NXPE4: variants seen among roughly 807,000 people sequenced by gnomAD.
NXPE4 encodes the protein NXPE family member 4.
In NXPE4, 42 loss-of-function variants were observed where a neutral mutation model predicts 33.3. That is an observed-to-expected ratio of 1.26 (90% confidence interval 0.98 to 1.63). The LOEUF (loss-of-function observed/expected upper bound fraction) is 1.63, where lower values mean the gene tolerates loss of function less well. Among genes scored for constraint, NXPE4 ranks in the 40% most tolerant of loss-of-function variants. NXPE4 has a pLI of 0.00. For synonymous variants in NXPE4, 253 were observed against 234.9 expected, an observed-to-expected ratio of 1.08 and a Z score of -0.71; for missense variants, 709 against 647.6, an observed-to-expected ratio of 1.09 and a Z score of -1.03.
chr11:114,618,616 T>G, the NXPE4 span, among the ~76,000 whole-genome samples: 1 of 150,378 alleles, frequency 6.6e-6, no homozygotes, highest in South Asian at 2.1e-4. Flanking sequence ...TAATAAGTAT[T>G]GCCTTGTGAG....
the NXPE4 span, among the ~76,000 whole-genome samples, chr11:114,611,970 C>T: frequency 4.6e-5 from 7 of 151,864 alleles, no homozygotes; most frequent in Admixed American, 2.0e-4. Context: ...AGTATTGCCT[C>T]GTGGGTAACC....
Position 114,582,501 on chromosome 11 carries a change from C to A in NXPE4, c.617G>T (p.Gly206Val), listed in dbSNP as rs1456435385. ...TTGGGAAGTGCCATTGACAAACTGG[C>A]CAGTGAAGATCACCCTGTCATAGCC... ...NQGYDRVIFT[G>V]QFVNGTSQVH... Residue 206 changes from glycine to valine, a missense_variant, in exon 3 of 6, where the codon GGC becomes GTC. Gly to Val is a moderately radical substitution (Grantham distance 109). Coordinates refer to ENST00000375478, the MANE Select transcript of NXPE4 (RefSeq NM_001077639.2). 1 of 1,614,006 alleles carries A rather than the reference C, an allele frequency of 6.2e-7. No homozygotes were observed. Among genetic ancestry groups the A allele is most frequent in the Non-Finnish European group, 8.5e-7 (1 of 1,179,998 alleles).
chr11:114,623,375 G>A, the NXPE4 span, among the ~76,000 whole-genome samples: 23 of 151,938 alleles, frequency 1.5e-4, no homozygotes, highest in East Asian at 3.9e-4. Flanking sequence ...ACTTTTAAAC[G>A]TGGGATAATA....
At chr11:114,634,461 A>C in the NXPE4 span, among the ~76,000 whole-genome samples, 192 of 152,058 alleles carry the variant, frequency 1.3e-3, 2 homozygotes, top group African/African-American at 4.4e-3. Flanking sequence ...GCAGCTCTTT[A>C]GTTTAGTTAG....
chr11:114,661,917 A>G, the NXPE4 span, among the ~76,000 whole-genome samples: 2 of 152,186 alleles, frequency 1.3e-5, no homozygotes, highest in South Asian at 2.1e-4. Context: ...AGGCAATTCA[A>G]TGAAGAAATT....
At chr11:114,645,021 G>C in the NXPE4 span, among the ~76,000 whole-genome samples, 1 of 151,542 alleles carries the variant, frequency 6.6e-6, no homozygotes, top group African/African-American at 2.4e-5. Context: ...AAAAAAACAG[G>C]CCGGGCATAG....
the NXPE4 span, among the ~76,000 whole-genome samples, chr11:114,676,439 A>G: frequency 1.0e-3 from 156 of 152,182 alleles, no homozygotes; most frequent in African/African-American, 3.7e-3. Context: ...CAATTAGAAA[A>G]TTGGAAAAGG....
Position 114,581,713 on chromosome 11 carries a change from A to C in NXPE4, c.892+12T>G. 6.2e-7 allele frequency: 1 copy of C among 1,605,940 alleles called. No individual in the cohort carries two copies. Among genetic ancestry groups the C allele is most frequent in the Non-Finnish European group, 8.5e-7 (1 of 1,173,412 alleles). On this transcript the variant is annotated intron_variant, in intron 4 of 5. Coordinates refer to ENST00000375478, the MANE Select transcript of NXPE4 (RefSeq NM_001077639.2). The stretch of plus-strand genomic sequence containing the variant: ...GAACTAGGCACCACCCACCAAACAC[A>C]GGAGTACTTACTGTTGCATTTGGAG...
At chr11:114,620,267 C>A in the NXPE4 span, among the ~76,000 whole-genome samples, 1 of 151,758 alleles carries the variant, frequency 6.6e-6, no homozygotes, top group Admixed American at 6.6e-5. Flanking sequence ...TGGGTAACTA[C>A]GGTTACCCGG....
At chr11:114,574,882 A>T (rs962756055) in intron 5 of NXPE4, among the ~76,000 whole-genome samples, 4 of 152,128 alleles carry the variant, frequency 2.6e-5, no homozygotes, top group African/African-American at 4.8e-5. Context: ...GGAAGGACAC[A>T]ACAAAAAAGA....
rs779707730 is a variant in NXPE4 at position 114,582,376 on chromosome 11, G to A, written c.742C>T (p.His248Tyr). ...QEGFYCVRPQ[H>Y]MPCAALTHMY... is the part of the protein sequence containing the mutation. ...TGAGTGAGTGCAGCACAGGGCATGTGTTGAGGCCTCACACAGTAGAAGCCT... is the reference window on the plus strand; with the variant it reads ...TGAGTGAGTGCAGCACAGGGCATGTATTGAGGCCTCACACAGTAGAAGCCT... Residue 248 changes from histidine (H) to tyrosine (Y), a missense_variant, in exon 3 of 6, where the codon CAC (histidine) becomes TAC (tyrosine). His to Tyr is a moderately conservative substitution (Grantham distance 83). Transcript: ENST00000375478. 18 of 1,614,132 alleles carry A rather than the reference G, an allele frequency of 1.1e-5. No homozygotes were observed. The South Asian group carries it at 1.3e-4, about 12-fold the overall frequency.
chr11:114,572,725 C>T (rs752912936), intron 5 of NXPE4, among the ~76,000 whole-genome samples: 28 of 151,522 alleles, frequency 1.8e-4, no homozygotes, highest in Non-Finnish European at 3.7e-4. Context: ...GCTAAATGCC[C>T]CAACCTAAGA....
chr11:114,582,463 A>T lies in NXPE4; in HGVS notation c.655T>A (p.Cys219Ser). The change falls in exon 3 of 6, where the codon TGT becomes AGT. Residue 219 changes from cysteine to serine, a missense_variant. Cys to Ser is a moderately radical substitution (Grantham distance 112). Coordinates refer to ENST00000375478, the MANE Select transcript of NXPE4 (RefSeq NM_001077639.2). ...GCATTTGTGTTTAGGATCAGGCCAC[A>T]TTCAGAGTGGACTTGGGAAGTGCCA... Reference protein sequence around the residue: ...VNGTSQVHSECGLILNTNAEL... With the variant: ...VNGTSQVHSESGLILNTNAEL... 6.2e-7 allele frequency: 1 copy of T among 1,614,200 alleles called. No individual in the cohort carries two copies. The highest frequency in any genetic ancestry group is 2.2e-5 in the East Asian group (1 of 44,878).
chr11:114,590,828 A>G (rs1483445706), intron 2 of NXPE4, among the ~76,000 whole-genome samples: 1 of 152,172 alleles, frequency 6.6e-6, no homozygotes, highest in African/African-American at 2.4e-5. Context: ...TTAACTGTTT[A>G]TGCCCCACAC....
the NXPE4 span, among the ~76,000 whole-genome samples, chr11:114,673,280 T>C: frequency 6.6e-6 from 1 of 151,318 alleles, no homozygotes; most frequent in Non-Finnish European, 1.5e-5. Context: ...TTCAGATGAA[T>C]GAAAATGAAG....
At chr11:114,638,760 C>T in the NXPE4 span, among the ~76,000 whole-genome samples, 1 of 151,994 alleles carries the variant, frequency 6.6e-6, no homozygotes, top group African/African-American at 2.4e-5. Flanking sequence ...GTAACAGCAG[C>T]AGTGTCTGCA....
At chr11:114,625,722 G>A in the NXPE4 span, among the ~76,000 whole-genome samples, 5 of 152,278 alleles carry the variant, frequency 3.3e-5, no homozygotes, top group South Asian at 2.1e-4. Flanking sequence ...CAGCATGAGC[G>A]ACGCAGAAGG....
chr11:114,628,414 A>G, the NXPE4 span, among the ~76,000 whole-genome samples: 1 of 152,340 alleles, frequency 6.6e-6, no homozygotes. Context: ...CTGCTTCTGA[A>G]TGACTACTGG....
rs185998472 is a variant in NXPE4, at chr11:114,571,360, A to G, written c.1213T>C (p.Ser405Pro). The G allele has an allele frequency of 5.9e-3, 9,451 of 1,613,978 alleles. 28 individuals carry two copies. Among genetic ancestry groups the G allele is most frequent in the Non-Finnish European group, 7.5e-3 (8,852 of 1,179,900 alleles). Reference protein sequence around the residue: ...WQKYCYPLIGSMTYSVKEMEY... With the variant: ...WQKYCYPLIGPMTYSVKEMEY... The stretch of plus-strand genomic sequence containing the variant: ...ATCTCTTTGACTGAATAGGTCATTG[A>G]TCCTATCAAGGGATAACAATATTTT... The change falls in exon 6 of 6, where the codon TCA becomes CCA. Residue 405 changes from serine to proline, a missense_variant. Ser to Pro is a moderately conservative substitution (Grantham distance 74). Coordinates refer to ENST00000375478, the MANE Select transcript of NXPE4 (RefSeq NM_001077639.2).
Sources: gnomAD v4.1 joint callset for allele counts (sites outside exome capture counted in the v4.1 genomes callset) on GRCh38, gnomAD v4.1.1 for gene constraint, MANE v1.5 for transcripts, NCBI Gene and HGNC (gene_info 2026-07-23, HGNC 2026-07-21) for gene names.